The following ZSCAN25 variants were observed in gnomAD, a reference collection of about 807,000 sequenced individuals.
ZSCAN25 encodes zinc finger and SCAN domain-containing protein 25.
ZSCAN25 carries 27 observed loss-of-function variants against 38.7 expected under a neutral mutation model. The ratio of observed to expected loss-of-function variants is 0.70; its 90% confidence interval spans 0.51 to 0.96. ZSCAN25 has a LOEUF of 0.96. Ranked by LOEUF, ZSCAN25 falls within the 40% of genes least tolerant of loss-of-function variation. The pLI is 0.00. For missense variants in ZSCAN25, 637 were observed against 705.9 expected (o/e 0.90, Z 1.11); for synonymous variants, 273 against 277.7 (o/e 0.98, Z 0.17).
the ZSCAN25 span, among the ~76,000 whole-genome samples, chr7:99,641,938 A>G: frequency 6.6e-6 from 1 of 152,164 alleles, no homozygotes; most frequent in Non-Finnish European, 1.5e-5. Flanking sequence ...TATAGCTAAG[A>G]TGATTTTACA....
chr7:99,648,197 A>C, the ZSCAN25 span: 7 of 1,477,094 alleles, frequency 4.7e-6, no homozygotes, highest in Non-Finnish European at 6.3e-6. Context: ...CATGCAGTAC[A>C]TTAGATTAAG....
chr7:99,652,315 A>G, the ZSCAN25 span: 2 of 331,746 alleles, frequency 6.0e-6, no homozygotes, highest in South Asian at 1.9e-4. Flanking sequence ...AGGCGTAGAA[A>G]AATGCCCACA....
the ZSCAN25 span, among the ~76,000 whole-genome samples, chr7:99,675,327 T>C: frequency 1.3e-5 from 2 of 152,156 alleles, no homozygotes; most frequent in Admixed American, 1.3e-4. Flanking sequence ...GTCCCAGAAA[T>C]GTTGATCTAC....
chr7:99,735,010 A>G, the ZSCAN25 span: 7 of 1,613,936 alleles, frequency 4.3e-6, no homozygotes, highest in South Asian at 1.1e-5. Flanking sequence ...GAGGAGCCTG[A>G]ACAGTTACTC....
At chr7:99,648,278 G>T in the ZSCAN25 span, 3 of 1,600,936 alleles carry the variant, frequency 1.9e-6, no homozygotes, top group South Asian at 2.3e-5. Context: ...CTTTCTTGAA[G>T]ACCAAAGTAG....
chr7:99,650,686 C>T, the ZSCAN25 span, among the ~76,000 whole-genome samples: 1 of 152,020 alleles, frequency 6.6e-6, no homozygotes, highest in East Asian at 1.9e-4. Context: ...CTTCTCCTGT[C>T]ATCTCTTTTT....
chr7:99,720,736 T>C, the ZSCAN25 span: 1 of 269,346 alleles, frequency 3.7e-6, no homozygotes, highest in Non-Finnish European at 7.2e-6. Context: ...GTATTTCCCA[T>C]GCCATTCTCC....
chr7:99,706,294 A>G, the ZSCAN25 span, among the ~76,000 whole-genome samples: 6 of 152,168 alleles, frequency 3.9e-5, no homozygotes, highest in Non-Finnish European at 7.3e-5. Context: ...GAAAATTGCC[A>G]TGGAGATCCA....
downstream of ZSCAN25, among the ~76,000 whole-genome samples, chr7:99,634,067 C>A (rs994878732): frequency 1.3e-5 from 2 of 152,190 alleles, no homozygotes; most frequent in Non-Finnish European, 2.9e-5. Context: ...CTGTGGTTGC[C>A]TCACATTGTG....
chr7:99,685,277 G>A, the ZSCAN25 span: 42 of 1,611,066 alleles, frequency 2.6e-5, no homozygotes, highest in South Asian at 4.0e-4. Context: ...ATTAAATAAA[G>A]CAAAATTAGA....
the ZSCAN25 span, among the ~76,000 whole-genome samples, chr7:99,726,841 C>A: frequency 1.3e-5 from 2 of 152,200 alleles, no homozygotes; most frequent in Non-Finnish European, 2.9e-5. Context: ...GCTCAAATTT[C>A]TTCTCCATCC....
the ZSCAN25 span, among the ~76,000 whole-genome samples, chr7:99,675,410 CAGAT>C: frequency 6.6e-6 from 1 of 151,936 alleles, no homozygotes; most frequent in Non-Finnish European, 1.5e-5. Flanking sequence ...GTAGAATTCT[CAGAT>C]AGTAATCAGA....
Position 99,621,542 on chromosome 7 carries a change from C to A in ZSCAN25, c.557C>A (p.Pro186His). ...ACCGAGGAGCAGCTCAGTCAGGACC[C>A]TGGAGATGAGACACGGGCCTTCCAG... The part of the protein sequence containing the change: ...PGTEEQLSQD[P>H]GDETRAFQEQ... The change falls in exon 5 of 8, where the codon CCT becomes CAT. Residue 186 changes from proline (P) to histidine (H), a missense_variant. By Grantham distance (77) the Pro-to-His change is moderately conservative. Coordinates refer to ENST00000394152, the MANE Select transcript of ZSCAN25 (RefSeq NM_145115.3). 2 of 1,524,360 alleles carry A rather than the reference C, an allele frequency of 1.3e-6. No individual in the cohort carries two copies. The highest frequency in any genetic ancestry group is 1.9e-5 in the Admixed American group (1 of 52,794). The allele number at this position is 1,524,360 out of a possible 1,614,324, so 94.4% of individuals were successfully genotyped here.
chr7:99,682,961 T>A, the ZSCAN25 span, among the ~76,000 whole-genome samples: 1 of 152,232 alleles, frequency 6.6e-6, no homozygotes, highest in Admixed American at 6.5e-5. Flanking sequence ...GTATGTTGAT[T>A]TTGTATCCAG....
chr7:99,684,596 A>G, the ZSCAN25 span, among the ~76,000 whole-genome samples: 2,599 of 152,324 alleles, frequency 0.017, 83 homozygotes, highest in African/African-American at 0.058. Flanking sequence ...AATGGTTACA[A>G]TGATCACATA....
At chr7:99,685,609 G>A in the ZSCAN25 span, among the ~76,000 whole-genome samples, 1 of 152,202 alleles carries the variant, frequency 6.6e-6, no homozygotes, top group Admixed American at 6.5e-5. Context: ...AGGCACACGA[G>A]CATGGGAATC....
Position 99,629,259 on chromosome 7 carries a change from ACAT to A in ZSCAN25, c.877_879del (p.Ser293del), listed in dbSNP as rs1807771088. The A allele has an allele frequency of 6.2e-7, 1 of 1,613,956 alleles. No individual in the cohort carries two copies. Among genetic ancestry groups the A allele is most frequent in the Admixed American group, 1.7e-5 (1 of 59,994 alleles). The stretch of plus-strand genomic sequence containing the variant: ...CCTGAAAGGGGCGCTGGTGGCACTG[ACAT>A]CAGAGAGGTTTGGGGAAGCCTCTCT... On this transcript the variant is annotated inframe_deletion, in exon 8 of 8. Transcript: ENST00000394152. The surrounding 1 kb of genome is among the most constrained non-coding windows in gnomAD (Gnocchi z 5.6).
chr7:99,652,423 T>C, the ZSCAN25 span: 7 of 613,636 alleles, frequency 1.1e-5, no homozygotes, highest in South Asian at 1.6e-4. Flanking sequence ...TAATTATCAC[T>C]TTTTTGTGAT....
At chr7:99,684,841 A>G in the ZSCAN25 span, 1 of 196,056 alleles carries the variant, frequency 5.1e-6, no homozygotes, top group African/African-American at 2.3e-5. Context: ...TTCTTTTATC[A>G]GAGCTCAGGA....
Sources: allele counts gnomAD v4.1 joint callset (sites outside exome capture counted in the v4.1 genomes callset), GRCh38; gene constraint gnomAD v4.1.1; non-coding constraint Gnocchi (gnomAD v3.1); transcripts MANE v1.5; gene names NCBI Gene and HGNC (gene_info 2026-07-23, HGNC 2026-07-21).